The following AXIN1 variants were observed in gnomAD, a reference collection of about 807,000 sequenced individuals.
The protein encoded by AXIN1 is axin-1.
In AXIN1, 30 loss-of-function variants were observed where a neutral mutation model predicts 76.4. That is an observed-to-expected ratio of 0.39 (90% CI 0.29 to 0.53). AXIN1 has a LOEUF of 0.53. Among genes scored for constraint, AXIN1 ranks in the 20% least tolerant of loss-of-function variants. The probability of loss-of-function intolerance (pLI) is 0.66; values close to 1 mark genes in which losing one functional copy is unlikely to be tolerated. For missense variants in AXIN1, 1,140 were observed against 1,198.8 expected (o/e 0.95, Z 0.72); for synonymous variants, 545 against 501.4 (o/e 1.09, Z -1.16).
intron 9 of AXIN1, chr16:289,912 G>T: frequency 1.9e-6 from 1 of 512,838 alleles, no homozygotes; most frequent in South Asian, 2.0e-5. Context: ...GGATGGCAGG[G>T]CAGGCTGCAG....
At chr16:334,796 A>G (rs1416029427) in intron 2 of AXIN1, among the ~76,000 whole-genome samples, 2 of 151,826 alleles carry the variant, frequency 1.3e-5, no homozygotes, top group Non-Finnish European at 2.9e-5. Flanking sequence ...CAGCATGCCA[A>G]TAACACAGCA....
At chr16:351,256 G>C (rs940136618) in intron 1 of AXIN1, among the ~76,000 whole-genome samples, 1 of 152,140 alleles carries the variant, frequency 6.6e-6, no homozygotes, top group East Asian at 1.9e-4. Context: ...TGAAGAAGCA[G>C]AGAACAGAAG....
chr16:342,043 G>C (rs1597115220), intron 2 of AXIN1, among the ~76,000 whole-genome samples: 1 of 152,352 alleles, frequency 6.6e-6, no homozygotes, highest in South Asian at 2.1e-4. Flanking sequence ...GGCCAGATAA[G>C]AGAATAAAAG....
chr16:307,004 C>T (rs547561717), intron 4 of AXIN1, among the ~76,000 whole-genome samples: 1 of 152,356 alleles, frequency 6.6e-6, no homozygotes, highest in South Asian at 2.1e-4. Context: ...GCTGGGGGGC[C>T]ATGCTGGCTT....
At chr16:338,743 C>T (rs2053855589) in intron 2 of AXIN1, among the ~76,000 whole-genome samples, 1 of 152,008 alleles carries the variant, frequency 6.6e-6, no homozygotes, top group Non-Finnish European at 1.5e-5. Context: ...GCCAACATGG[C>T]GAAACCTTGT....
In AXIN1 at chr16:346,330, C is replaced by T; in HGVS notation, c.696G>A (p.Lys232=). The T allele has an allele frequency of 6.2e-7, 1 of 1,614,250 alleles. No homozygotes were observed. Among genetic ancestry groups the T allele is most frequent in the Non-Finnish European group, 8.5e-7 (1 of 1,180,044 alleles). ...AGGTCGGCAGGTATCCAGATATGCC[C>T]TTCCCTGTCCCTGACCCAGAGCTCT... ...SDQSSGSGTG[K]GISGYLPTLN... Residue 232 remains lysine (K), a synonymous_variant, in exon 2 of 11, where the codon AAG becomes AAA. Transcript: ENST00000262320.
In AXIN1 at chr16:300,751, G is replaced by A. The variant is rs988204085; in HGVS notation, c.1255-2500C>T. Among the ~76,000 whole-genome samples the A allele has an allele frequency of 3.3e-5, 5 of 152,272 alleles. No homozygotes were observed. In the East Asian group the frequency reaches 7.7e-4, roughly 23 times the overall value. The stretch of plus-strand genomic sequence containing the variant: ...CAGCTATGCTGCCTCCCTTTCCTTG[G>A]TTTTGTAGGACTAAAGGGCCCGGGC... On this transcript the variant is annotated intron_variant, in intron 5 of 10. Transcript: ENST00000262320.
chr16:339,613 C>T lies in AXIN1; in HGVS notation c.878+6535G>A, dbSNP rs919722458. On this transcript the variant is annotated intron_variant, in intron 2 of 10. Transcript: ENST00000262320. ...AGGAGAACTGCTTCAACCTGGGAGG[C>T]GGAGGCTGCAGTAAGCCGAGATGGT... 6.0e-5 allele frequency among the ~76,000 whole-genome samples: 9 copies of T among 151,046 alleles called. No individual in the cohort carries two copies. The South Asian group carries it at 1.0e-3, about 18-fold the overall frequency.
rs2141544025 is a variant in AXIN1 at position 304,234 on chromosome 16, C to T, written c.1254+70G>A. ...CCCCGGGCATCCCCATGAAGAACATCAGGACATCCCGGCGGCAAGAAAACA... is the reference window on the plus strand; with the variant it reads ...CCCCGGGCATCCCCATGAAGAACATTAGGACATCCCGGCGGCAAGAAAACA... On this transcript the variant is annotated intron_variant, in intron 5 of 10. Transcript: ENST00000262320. The T allele has an allele frequency of 2.5e-6, 4 of 1,597,994 alleles. No homozygotes were observed. In the East Asian group the frequency reaches 6.7e-5, roughly 27 times the overall value.
intron 7 of AXIN1, 132 bp downstream of exon 7, chr16:296,924 A>G (rs910299746): frequency 3.5e-6 from 4 of 1,152,612 alleles, no homozygotes; most frequent in East Asian, 4.7e-5. Context: ...AGGGTGCCAC[A>G]GTGACAGGGG....
chr16:317,842 T>C (rs2053338614), intron 2 of AXIN1, among the ~76,000 whole-genome samples: 2 of 152,242 alleles, frequency 1.3e-5, no homozygotes, highest in Non-Finnish European at 2.9e-5. Context: ...ACCTCAGATC[T>C]CAGGTTAAGT....
rs200996293 is a variant in AXIN1, at chr16:297,134, G to A, written c.1877C>T (p.Ala626Val). ...CTGCATGATTTTCTGGTTCTTCTCC[G>A]CATCCTCCGAGGCACCTGGCACCTC... ...STEVPGASEDAEKNQKIMQWI... is the reference protein window; with the variant it reads ...STEVPGASEDVEKNQKIMQWI... Residue 626 changes from alanine to valine, a missense_variant, in exon 7 of 11, where the codon GCG becomes GTG. Physicochemically the swap from Ala to Val is moderately conservative, Grantham distance 64. Transcript: ENST00000262320. The A allele has an allele frequency of 5.3e-5, 85 of 1,612,408 alleles. No homozygotes were observed. The highest frequency in any genetic ancestry group is 1.6e-4 in the Middle Eastern group (1 of 6,082).
intron 2 of AXIN1, among the ~76,000 whole-genome samples, chr16:339,146 G>A (rs951102254): frequency 1.4e-5 from 2 of 143,314 alleles, no homozygotes; most frequent in African/African-American, 5.2e-5. Flanking sequence ...GGGAGGCCGA[G>A]ACGGGCAGAT....
intron 2 of AXIN1, among the ~76,000 whole-genome samples, chr16:342,232 C>T (rs553253335): frequency 1.2e-4 from 18 of 152,244 alleles, no homozygotes; most frequent in African/African-American, 2.6e-4. Context: ...GCCAGTGAGA[C>T]CACGAACCCA....
intron 7 of AXIN1, among the ~76,000 whole-genome samples, chr16:296,849 C>T (rs2052723600): frequency 6.6e-6 from 1 of 152,172 alleles, no homozygotes; most frequent in Non-Finnish European, 1.5e-5. Context: ...CAGCCTCTCT[C>T]TGGGGACATG....
chr16:336,937 CAG>C (rs1460538192), intron 2 of AXIN1, among the ~76,000 whole-genome samples: 6 of 151,486 alleles, frequency 4.0e-5, no homozygotes, highest in African/African-American at 1.5e-4. Flanking sequence ...ATCACAACGT[CAG>C]GAGATGGAGA....
intron 2 of AXIN1, among the ~76,000 whole-genome samples, chr16:336,724 G>C (rs1049009324): frequency 6.6e-6 from 1 of 150,952 alleles, no homozygotes; most frequent in Non-Finnish European, 1.5e-5. Context: ...AGCTGAGGCA[G>C]GAGAATCATT....
chr16:342,012 C>T (rs1012579706), intron 2 of AXIN1, among the ~76,000 whole-genome samples: 4 of 152,302 alleles, frequency 2.6e-5, no homozygotes, highest in South Asian at 2.1e-4. Context: ...TGGACTCTAC[C>T]AATCAGCAGG....
At chr16:311,326 A>T (rs11649281) in intron 3 of AXIN1, among the ~76,000 whole-genome samples, 1 of 151,290 alleles carries the variant, frequency 6.6e-6, no homozygotes, top group African/African-American at 2.4e-5. Context: ...CACCGCGCCC[A>T]GCCCGCAACA....
Sources: gnomAD v4.1 joint callset for allele counts (sites outside exome capture counted in the v4.1 genomes callset) on GRCh38, gnomAD v4.1.1 for gene constraint, MANE v1.5 for transcripts, NCBI Gene and HGNC (gene_info 2026-07-23, HGNC 2026-07-21) for gene names.